The following CEP89 variants were observed in gnomAD, a reference collection of about 807,000 sequenced individuals.
The protein encoded by CEP89 is centrosomal protein of 89 kDa.
CEP89 carries 95 observed loss-of-function variants against 97.6 expected under a neutral mutation model. The observed-to-expected ratio is 0.97, with a 90% confidence interval of 0.82 to 1.15. The LOEUF is 1.15. CEP89 is among the 50% of genes most tolerant of loss of function. The probability of loss-of-function intolerance (pLI) is 0.00; values close to 1 mark genes in which losing one functional copy is unlikely to be tolerated. For missense variants in CEP89, 869 were observed against 947.7 expected, an observed-to-expected ratio of 0.92 and a Z score of 1.09; for synonymous variants, 354 against 349.1, an observed-to-expected ratio of 1.01 and a Z score of -0.16.
intron 3 of CEP89, 66 bp from the exon 4 acceptor site, chr19:32,953,867 C>T: frequency 9.4e-5 from 57 of 607,634 alleles, no homozygotes; most frequent in Admixed American, 1.3e-4. Flanking sequence ...TGATAAATAT[C>T]TTTTTTTTTT....
At chr19:32,947,671 G>A (rs879321365) in intron 5 of CEP89, among the ~76,000 whole-genome samples, 6 of 151,808 alleles carry the variant, frequency 4.0e-5, no homozygotes, top group Non-Finnish European at 8.8e-5. Flanking sequence ...TTTGTATTCT[G>A]GTAGAGATGG....
intron 16 of CEP89, among the ~76,000 whole-genome samples, chr19:32,899,082 G>C (rs896935115): frequency 6.7e-6 from 1 of 148,820 alleles, no homozygotes; most frequent in Non-Finnish European, 1.5e-5. Context: ...AGAAAAAAAT[G>C]TTTTGTAACA....
intron 10 of CEP89, 52 bp from the exon 11 acceptor site, chr19:32,926,325 A>C: frequency 2.3e-6 from 3 of 1,295,094 alleles, no homozygotes; most frequent in South Asian, 1.3e-5. Context: ...TCTAAACACA[A>C]CCAGAAAATT....
chr19:32,879,405 CA>C lies in CEP89; in HGVS notation c.2136-28del, dbSNP rs757367713. 4.4e-6 allele frequency: 7 copies of C among 1,579,492 alleles called. No individual in the cohort carries two copies. The Admixed American group carries it at 1.2e-4, about 26-fold the overall frequency. On this transcript the variant is annotated intron_variant, in intron 18 of 18. Transcript: ENST00000305768. The stretch of plus-strand genomic sequence containing the variant: ...TGAGGGAAATAAGTTTAAAATGGCA[CA>C]ATTTTAAAAATAATATAGAGCCCAT...
At chr19:32,954,608 C>T (rs767771395) in intron 3 of CEP89, among the ~76,000 whole-genome samples, 1 of 151,670 alleles carries the variant, frequency 6.6e-6, no homozygotes, top group Non-Finnish European at 1.5e-5. Context: ...CTGCCTCAGC[C>T]TCCTAAAGTG....
intron 14 of CEP89, among the ~76,000 whole-genome samples, chr19:32,904,616 GGA>G (rs1969851865): frequency 7.3e-6 from 1 of 136,260 alleles, no homozygotes; most frequent in Non-Finnish European, 1.5e-5. Context: ...TTTTTGAGAT[GGA>G]GTCTCACTCT....
chr19:32,946,944 A>C (rs1336563108), intron 5 of CEP89, among the ~76,000 whole-genome samples: 1 of 151,632 alleles, frequency 6.6e-6, no homozygotes, highest in Non-Finnish European at 1.5e-5. Flanking sequence ...TTTTTTTTAC[A>C]GTGAGACAGT....
chr19:32,956,049 C>CTTTTTTTTTTTTT (rs202179963), intron 3 of CEP89, among the ~76,000 whole-genome samples: 2 of 105,746 alleles, frequency 1.9e-5, no homozygotes, highest in African/African-American at 3.7e-5. Flanking sequence ...CAATTTGGTT[C>CTTTTTTTTTTTTT]TTTTTTTTTT....
chr19:32,966,775 G>T (rs1971293372), intron 1 of CEP89, among the ~76,000 whole-genome samples: 1 of 152,166 alleles, frequency 6.6e-6, no homozygotes, highest in Non-Finnish European at 1.5e-5. Flanking sequence ...TCCCCCCAGT[G>T]ATGTCTCATG....
rs114122520 is a variant in CEP89, at chr19:32,949,473, C to T, written c.493-1105G>A. ...CAATCATGGCTTGCAGCAGCCTTTA[C>T]CTCCTGGGCTCAAGCAATCCTCCAC... On this transcript the variant is annotated intron_variant, in intron 4 of 18. Coordinates refer to ENST00000305768, the MANE Select transcript of CEP89 (RefSeq NM_032816.5). 8.7e-3 allele frequency among the ~76,000 whole-genome samples: 1,319 copies of T among 152,076 alleles called. 23 individuals carry two copies. The highest frequency in any genetic ancestry group is 0.03 in the African/African-American group (1,264 of 41,470).
intron 3 of CEP89, among the ~76,000 whole-genome samples, chr19:32,959,574 C>T (rs1480364637): frequency 6.6e-6 from 1 of 152,208 alleles, no homozygotes; most frequent in Non-Finnish European, 1.5e-5. Flanking sequence ...AAGAAACTTA[C>T]TAAGGGCTGG....
At chr19:32,887,068 G>A (rs1369926264) in intron 17 of CEP89, among the ~76,000 whole-genome samples, 1 of 150,756 alleles carries the variant, frequency 6.6e-6, no homozygotes, top group Non-Finnish European at 1.5e-5. Context: ...GTGCTTGCCT[G>A]TAGTCCCAGC....
chr19:32,946,176 C>T (rs1331378794), intron 5 of CEP89, among the ~76,000 whole-genome samples: 1 of 152,212 alleles, frequency 6.6e-6, no homozygotes, highest in Non-Finnish European at 1.5e-5. Flanking sequence ...CATCTCACTG[C>T]AGCCCTGACC....
chr19:32,896,751 A>G (rs1969650509), intron 16 of CEP89, among the ~76,000 whole-genome samples: 1 of 152,044 alleles, frequency 6.6e-6, no homozygotes. Context: ...TATACAAGGA[A>G]CTCAGTTCTC....
At chr19:32,930,421 T>C (rs1970447306) in intron 9 of CEP89, among the ~76,000 whole-genome samples, 1 of 152,088 alleles carries the variant, frequency 6.6e-6, no homozygotes, top group Non-Finnish European at 1.5e-5. Context: ...AATGGTACAC[T>C]TTTAAAATGG....
intron 18 of CEP89, among the ~76,000 whole-genome samples, chr19:32,880,630 C>A (rs1345497215): frequency 1.8e-5 from 2 of 108,672 alleles, no homozygotes; most frequent in African/African-American, 7.3e-5. Context: ...CAGAGCAAGA[C>A]CTTGTATTTA....
At chr19:32,922,654 C>T (rs1279933486) in intron 12 of CEP89, among the ~76,000 whole-genome samples, 1 of 152,084 alleles carries the variant, frequency 6.6e-6, no homozygotes, top group Non-Finnish European at 1.5e-5. Flanking sequence ...TCGAGACCAG[C>T]CTGGCCAACA....
chr19:32,959,044 AAC>A (rs1490498692), intron 3 of CEP89, among the ~76,000 whole-genome samples: 6 of 121,424 alleles, frequency 4.9e-5, no homozygotes, highest in African/African-American at 1.3e-4. Flanking sequence ...AAACAAACAA[AAC>A]AAAAAAAAAA....
intron 17 of CEP89, 58 bp from the exon 18 acceptor site, chr19:32,882,071 G>A: frequency 6.9e-7 from 1 of 1,447,212 alleles, no homozygotes; most frequent in Admixed American, 2.0e-5. Context: ...GGTGGACAGT[G>A]CCTCCTGGCT....
Sources: allele counts gnomAD v4.1 joint callset (sites outside exome capture counted in the v4.1 genomes callset), GRCh38; gene constraint gnomAD v4.1.1; transcripts MANE v1.5; gene names NCBI Gene and HGNC (gene_info 2026-07-23, HGNC 2026-07-21).